Variants in DACH2 observed in about 807,000 individuals in gnomAD.
The protein encoded by DACH2 is dachshund homolog 2.
In DACH2, 17 loss-of-function variants were observed where a neutral mutation model predicts 35.8. That is an observed-to-expected ratio of 0.48 (90% CI 0.33 to 0.71). The LOEUF (loss-of-function observed/expected upper bound fraction) is 0.71. Among genes scored for constraint, DACH2 ranks in the 30% least tolerant of loss-of-function variants. The pLI is 0.02. For synonymous variants in DACH2, 195 were observed against 177.3 expected (o/e 1.10, Z -0.79); for missense variants, 469 against 472.7 (o/e 0.99, Z 0.07).
At chrX:86,216,950 G>T (rs957853533) in intron 1 of DACH2, among the ~76,000 whole-genome samples, 1 of 110,270 alleles carries the variant, frequency 9.1e-6, no homozygotes, top group African/African-American at 3.3e-5. Context: ...AATCAGATAG[G>T]CGTGGTGACA....
chrX:86,645,326 C>T (rs1350654695), intron 3 of DACH2, among the ~76,000 whole-genome samples: 2 of 111,059 alleles, frequency 1.8e-5, no homozygotes, highest in Non-Finnish European at 3.8e-5. Flanking sequence ...CTCTATATCA[C>T]TGATCATTAT....
chrX:86,579,175 C>T (rs910331816), intron 3 of DACH2, among the ~76,000 whole-genome samples: 39 of 109,530 alleles, frequency 3.6e-4, no homozygotes, highest in Non-Finnish European at 6.5e-4. Context: ...TCACTGCAAC[C>T]GCCGCCTCCC....
chrX:86,204,657 T>G (rs1341351660), intron 1 of DACH2, among the ~76,000 whole-genome samples: 1 of 112,127 alleles, frequency 8.9e-6, no homozygotes, highest in Non-Finnish European at 1.9e-5. Context: ...GACTATGAAA[T>G]TATCTGAAAG....
intron 1 of DACH2, among the ~76,000 whole-genome samples, chrX:86,277,422 G>A (rs918476832): frequency 9.8e-5 from 11 of 111,762 alleles, no homozygotes; most frequent in Admixed American, 2.9e-4. Context: ...TTAAATAAAT[G>A]TGGTTATGTT....
At chrX:86,623,220 A>T (rs1188539639) in intron 3 of DACH2, among the ~76,000 whole-genome samples, 1 of 112,345 alleles carries the variant, frequency 8.9e-6, no homozygotes, top group East Asian at 2.8e-4. Flanking sequence ...CATATTTATA[A>T]GCATACATAT....
At chrX:86,464,354 T>G (rs1470136610) in intron 2 of DACH2, among the ~76,000 whole-genome samples, 1 of 110,461 alleles carries the variant, frequency 9.1e-6, no homozygotes, top group Non-Finnish European at 1.9e-5. Context: ...AAAGAATGAG[T>G]TCATGTCCTT....
chrX:86,748,002 C>G lies in DACH2; in HGVS notation c.1240+8120C>G, dbSNP rs978555649. Among the ~76,000 whole-genome samples the G allele has an allele frequency of 4.5e-5, 5 of 112,195 alleles. No homozygotes were observed. In the Admixed American group the frequency reaches 4.7e-4, roughly 11 times the overall value. ...CATTTTTATCAGGAGTATATTCCGTCTCAGTAAACCATGTTCTTTGTTCAT... is the reference window on the plus strand; with the variant it reads ...CATTTTTATCAGGAGTATATTCCGTGTCAGTAAACCATGTTCTTTGTTCAT... On this transcript the variant is annotated intron_variant, in intron 7 of 11. Coordinates refer to ENST00000373125, the MANE Select transcript of DACH2 (RefSeq NM_053281.3).
At chrX:86,601,537 T>C (rs2039789514) in intron 3 of DACH2, among the ~76,000 whole-genome samples, 1 of 112,206 alleles carries the variant, frequency 8.9e-6, no homozygotes. Flanking sequence ...CACAAGTGGT[T>C]ATTAAGCACT....
In DACH2 at chrX:86,361,368, G is replaced by T. The variant is rs554802299; in HGVS notation, c.489-15456G>T. Among the ~76,000 whole-genome samples, 19 of 111,335 alleles carry T rather than the reference G, an allele frequency of 1.7e-4. No individual in the cohort carries two copies. The South Asian group carries it at 6.7e-3, about 39-fold the overall frequency. On this transcript the variant is annotated intron_variant, in intron 1 of 11. Transcript: ENST00000373125. The stretch of plus-strand genomic sequence containing the variant: ...TATGAGCAAAATAAAAGATGCAGTT[G>T]AATAATTTTCATTTCATTATTTTAT...
At chrX:86,266,534 C>T (rs764515355) in intron 1 of DACH2, among the ~76,000 whole-genome samples, 2 of 111,593 alleles carry the variant, frequency 1.8e-5, no homozygotes, top group African/African-American at 6.5e-5. Context: ...TTGTCTATTC[C>T]GTGTCTTCAT....
chrX:86,411,783 G>T (rs1274847226), intron 2 of DACH2, among the ~76,000 whole-genome samples: 1 of 111,565 alleles, frequency 9.0e-6, no homozygotes, highest in Non-Finnish European at 1.9e-5. Context: ...CGTGGTCATA[G>T]GTGGTATTGA....
At chrX:86,200,749 C>A (rs942741890) in intron 1 of DACH2, among the ~76,000 whole-genome samples, 9 of 109,417 alleles carry the variant, frequency 8.2e-5, no homozygotes, top group Non-Finnish European at 1.9e-5. Context: ...CCATCTCATA[C>A]CTCTTAGAAT....
chrX:86,695,637 G>T (rs774494772), intron 5 of DACH2, among the ~76,000 whole-genome samples: 2 of 109,680 alleles, frequency 1.8e-5, no homozygotes, highest in East Asian at 5.8e-4. Flanking sequence ...AGCCTCCCAA[G>T]TAGCTGGGAT....
At chrX:86,328,851 T>G (rs1376033501) in intron 1 of DACH2, among the ~76,000 whole-genome samples, 1 of 111,953 alleles carries the variant, frequency 8.9e-6, no homozygotes. Context: ...GTTACCATTT[T>G]CTGCATCTCT....
intron 6 of DACH2, 43 bp downstream of exon 6, chrX:86,714,763 T>C: frequency 9.5e-7 from 1 of 1,057,874 alleles, no homozygotes; most frequent in Non-Finnish European, 1.3e-6. Flanking sequence ...GTCAATTTCA[T>C]GCAAATTTTG....
chrX:86,822,845 G>A (rs2042526758), intron 11 of DACH2, among the ~76,000 whole-genome samples: 1 of 111,976 alleles, frequency 8.9e-6, no homozygotes, highest in African/African-American at 3.2e-5. Context: ...AAACTGTGTG[G>A]AGTAGCTGAA....
intron 5 of DACH2, among the ~76,000 whole-genome samples, chrX:86,713,962 T>C (rs746520362): frequency 1.8e-5 from 2 of 111,882 alleles, no homozygotes; most frequent in East Asian, 2.8e-4. Context: ...TACGTTGATA[T>C]TTTGATAGGG....
At chrX:86,319,006 C>T (rs887625288) in intron 1 of DACH2, among the ~76,000 whole-genome samples, 3 of 111,828 alleles carry the variant, frequency 2.7e-5, no homozygotes, top group African/African-American at 9.7e-5. Context: ...AATGTTAAAC[C>T]TAATTTTTTA....
At chrX:86,554,149 T>C (rs1237938480) in intron 3 of DACH2, among the ~76,000 whole-genome samples, 2 of 111,506 alleles carry the variant, frequency 1.8e-5, no homozygotes, top group Non-Finnish European at 3.8e-5. Context: ...AAATGAGAAG[T>C]TAATACAAGA....
Sources: allele counts gnomAD v4.1 joint callset (sites outside exome capture counted in the v4.1 genomes callset), GRCh38; gene constraint gnomAD v4.1.1; transcripts MANE v1.5; gene names NCBI Gene and HGNC (gene_info 2026-07-23, HGNC 2026-07-21).